CACNA1E: variants seen among roughly 807,000 people sequenced by gnomAD.
CACNA1E encodes calcium voltage-gated channel subunit alpha1 E.
A neutral mutation model predicts 259.2 loss-of-function variants in CACNA1E; 40 were observed. The ratio of observed to expected loss-of-function variants is 0.15; its 90% confidence interval spans 0.12 to 0.20. CACNA1E has a LOEUF of 0.20. Ranked by LOEUF, CACNA1E falls within the 10% of genes least tolerant of loss-of-function variation. The pLI is 1.00. For synonymous variants in CACNA1E, 1,104 were observed against 1,138.5 expected (o/e 0.97, Z 0.61); for missense variants, 1,874 against 3,040.1 (o/e 0.62, Z 9.02).
At position 181,783,768 on chromosome 1, in the gene CACNA1E, C is replaced by T. The variant is rs1660626267; in HGVS notation, c.5454C>T (p.Asp1818=). 1.3e-6 allele frequency: 2 copies of T among 1,593,024 alleles called. No homozygotes were observed. The highest frequency in any genetic ancestry group is 1.7e-6 in the Non-Finnish European group (2 of 1,173,718). The change falls in exon 40 of 48, where the codon GAC becomes GAT. Residue 1818 remains aspartate (D), a synonymous_variant. Coordinates refer to ENST00000367573, the MANE Select transcript of CACNA1E (RefSeq NM_001205293.3). ...TLMALIRTAL[D]IKIAKGGADR... is the part of the protein sequence containing the mutation. Reference sequence around the variant, plus strand: ...TGGCTCTGATCCGGACAGCTCTGGACATTAAAATTGCCAAAGGTAAGCTTA... The same window carrying T: ...TGGCTCTGATCCGGACAGCTCTGGATATTAAAATTGCCAAAGGTAAGCTTA...
rs535877135 is a variant in CACNA1E at position 181,794,310 on chromosome 1, GC to G, written c.6027+519del. On this transcript the variant is annotated intron_variant, in intron 45 of 47. Transcript: ENST00000367573. ...TTTAATATCTGTGGCAAATCAAAAT[GC>G]CAGAATTTAAAACGGGGCTAGGTGG... Among the ~76,000 whole-genome samples the G allele has an allele frequency of 7.9e-5, 12 of 152,332 alleles. No homozygotes were observed. The South Asian group carries it at 2.5e-3, about 32-fold the overall frequency.
intron 2 of CACNA1E, 144 bp downstream of exon 2, chr1:181,510,726 C>A (rs1666091576): frequency 1.6e-6 from 1 of 626,734 alleles, no homozygotes; most frequent in Admixed American, 2.5e-5. Context: ...TAATGACAGA[C>A]CCCATGGGGA....
intron 7 of CACNA1E, among the ~76,000 whole-genome samples, chr1:181,685,375 G>T (rs73043433): frequency 0.014 from 2,183 of 151,934 alleles, 40 homozygotes; most frequent in African/African-American, 0.046. Context: ...CCTTGTACAA[G>T]TGTTGAGGGA....
intron 2 of CACNA1E, among the ~76,000 whole-genome samples, chr1:181,457,416 T>C (rs1445183247): frequency 6.6e-6 from 1 of 152,344 alleles, no homozygotes; most frequent in Non-Finnish European, 1.5e-5. Context: ...TTTTAGGACA[T>C]GCTGCAGAGA....
At chr1:181,651,293 G>A in intron 6 of CACNA1E, 45 bp from the exon 7 acceptor site, 1 of 1,244,688 alleles carries the variant, frequency 8.0e-7, no homozygotes. Context: ...CTTTACTTAT[G>A]GAAGATGGCT....
chr1:181,337,283 G>A (rs1651787533), intron 1 of CACNA1E, among the ~76,000 whole-genome samples: 1 of 151,572 alleles, frequency 6.6e-6, no homozygotes, highest in African/African-American at 2.4e-5. Context: ...AGCCTCCCGA[G>A]TAGCTGGGCC....
At chr1:181,650,094 T>G (rs1658625715) in intron 6 of CACNA1E, among the ~76,000 whole-genome samples, 1 of 152,162 alleles carries the variant, frequency 6.6e-6, no homozygotes, top group Admixed American at 6.5e-5. Context: ...GACTGGAATA[T>G]TTGAATGGGA....
rs1662413599 is a variant in CACNA1E at position 181,803,392 on chromosome 1, A to AATT, written c.*4560_*4562dup. ...TCTTATTTTAACAAAATCCAAACAA[A>AATT]ATTAACTCAGGGCTTGTGACCTAAC... On this transcript the variant is annotated 3_prime_UTR_variant, in exon 48 of 48. Transcript: ENST00000367573. 6.6e-6 allele frequency: 1 copy of AATT among 152,256 alleles called. No homozygotes were observed. The highest frequency in any genetic ancestry group is 2.4e-5 in the African/African-American group (1 of 41,476). The allele number at this position is 152,256 out of a possible 1,614,324, so 9.4% of individuals were successfully genotyped here.
chr1:181,727,157 T>C (rs1308726903), intron 18 of CACNA1E, among the ~76,000 whole-genome samples: 7 of 152,244 alleles, frequency 4.6e-5, no homozygotes, highest in Admixed American at 2.6e-4. Flanking sequence ...TTGGGGAAGG[T>C]TGTTCGCATT....
At chr1:181,648,630 A>G (rs1041339779) in intron 6 of CACNA1E, among the ~76,000 whole-genome samples, 3 of 152,242 alleles carry the variant, frequency 2.0e-5, no homozygotes, top group Admixed American at 6.5e-5. Context: ...TCCACAAAAT[A>G]CACTAACTTC....
Position 181,755,226 on chromosome 1 carries a change from T to C in CACNA1E, c.3829-11T>C. 1 of 1,611,202 alleles carries C rather than the reference T, an allele frequency of 6.2e-7. No homozygotes were observed. The highest frequency in any genetic ancestry group is 8.5e-7 in the Non-Finnish European group (1 of 1,178,398). On this transcript the variant is annotated splice_polypyrimidine_tract_variant and intron_variant, in intron 27 of 47. Transcript: ENST00000367573. Reference sequence around the variant, plus strand: ...GGGTTCACACAGCAGGGCTGTTTGCTCTGTCCACAGGCCGTCTTCGACTGC... The same window carrying C: ...GGGTTCACACAGCAGGGCTGTTTGCCCTGTCCACAGGCCGTCTTCGACTGC...
chr1:181,337,516 C>T (rs1051509593), intron 1 of CACNA1E, among the ~76,000 whole-genome samples: 32 of 152,120 alleles, frequency 2.1e-4, no homozygotes, highest in African/African-American at 7.7e-4. Flanking sequence ...CCTACTTCTC[C>T]ACTTTTCTTC....
At chr1:181,770,860 A>T (rs1659441403) in intron 35 of CACNA1E, among the ~76,000 whole-genome samples, 1 of 152,160 alleles carries the variant, frequency 6.6e-6, no homozygotes, top group Admixed American at 6.5e-5. Flanking sequence ...GTCTTCTTGC[A>T]AATCTGAATG....
chr1:181,471,748 G>T lies in CACNA1E; in HGVS notation c.435-11996G>T, dbSNP rs552980003. 1.0e-3 allele frequency among the ~76,000 whole-genome samples: 152 copies of T among 152,178 alleles called. 1 individual carries two copies. The highest frequency in any genetic ancestry group is 2.0e-3 in the Non-Finnish European group (136 of 67,996). ...ATAATTCCCTTTTGGAAATAAGTTT[G>T]TTTTTTTACATCATCTATAATGCCT... On this transcript the variant is annotated intron_variant, in intron 2 of 11. Coordinates refer to the CACNA1E transcript ENST00000524607.
At chr1:181,391,753 G>A (rs951219608) in intron 1 of CACNA1E, among the ~76,000 whole-genome samples, 2 of 152,194 alleles carry the variant, frequency 1.3e-5, no homozygotes, top group Non-Finnish European at 2.9e-5. Context: ...GGAGTGTGGT[G>A]CAGTAAATTT....
At chr1:181,446,166 G>C (rs1660776626) in intron 2 of CACNA1E, among the ~76,000 whole-genome samples, 1 of 152,158 alleles carries the variant, frequency 6.6e-6, no homozygotes, top group African/African-American at 2.4e-5. Flanking sequence ...GTGTTCTTTG[G>C]GGGGACTTCC....
At chr1:181,436,253 T>C (rs977948747) in intron 2 of CACNA1E, among the ~76,000 whole-genome samples, 5 of 152,232 alleles carry the variant, frequency 3.3e-5, no homozygotes, top group Non-Finnish European at 5.9e-5. Flanking sequence ...GAAATTCTTA[T>C]GTATTGTTGG....
At chr1:181,394,507 C>T (rs2102053261) in intron 1 of CACNA1E, among the ~76,000 whole-genome samples, 1 of 152,216 alleles carries the variant, frequency 6.6e-6, no homozygotes, top group East Asian at 1.9e-4. Flanking sequence ...GACATAGATA[C>T]CGGCCCTTTT....
At chr1:181,757,444 T>C (rs940050776) in intron 30 of CACNA1E, among the ~76,000 whole-genome samples, 2 of 152,224 alleles carry the variant, frequency 1.3e-5, no homozygotes, top group African/African-American at 4.8e-5. Context: ...ATGTACTTGC[T>C]GTAAGGGCAG....
Sources: allele counts gnomAD v4.1 joint callset (sites outside exome capture counted in the v4.1 genomes callset), GRCh38; gene constraint gnomAD v4.1.1; transcripts MANE v1.5; gene names NCBI Gene and HGNC (gene_info 2026-07-23, HGNC 2026-07-21).